The following B3GALT1 variants were observed in gnomAD, a reference collection of about 807,000 sequenced individuals.
The protein encoded by B3GALT1 is beta-1,3-galactosyltransferase 1, also known as UDP-Gal:betaGlcNAc beta 1,3-galactosyltransferase, polypeptide 1.
A neutral mutation model predicts 23.2 loss-of-function variants in B3GALT1; 10 were observed. The observed-to-expected ratio is 0.43, with a 90% confidence interval of 0.27 to 0.73. B3GALT1 has a LOEUF of 0.73. B3GALT1 is among the 30% of genes least tolerant of loss of function. The probability of loss-of-function intolerance (pLI) is 0.21; values close to 1 mark genes in which losing one functional copy is unlikely to be tolerated. For missense variants in B3GALT1, 299 were observed against 405.4 expected, an observed-to-expected ratio of 0.74 and a Z score of 2.25; for synonymous variants, 156 against 141.5, an observed-to-expected ratio of 1.10 and a Z score of -0.73.
intron 1 of B3GALT1, among the ~76,000 whole-genome samples, chr2:167,457,433 A>G (rs746508134): frequency 4.0e-5 from 6 of 151,894 alleles, no homozygotes; most frequent in Non-Finnish European, 7.4e-5. Flanking sequence ...TTGGCCTCCC[A>G]AAGTGCCGGG....
At chr2:167,564,948 T>C (rs1053687046) in intron 2 of B3GALT1, among the ~76,000 whole-genome samples, 1 of 152,184 alleles carries the variant, frequency 6.6e-6, no homozygotes, top group Non-Finnish European at 1.5e-5. Flanking sequence ...AATTTGTAGA[T>C]TCCATGCCAT....
At chr2:167,409,492 C>T (rs1698359176) in intron 1 of B3GALT1, among the ~76,000 whole-genome samples, 1 of 151,928 alleles carries the variant, frequency 6.6e-6, no homozygotes, top group Non-Finnish European at 1.5e-5. Context: ...CACCATATTT[C>T]AGTAAGTTGA....
intron 3 of B3GALT1, chr2:167,715,096 A>G: frequency 2.5e-6 from 4 of 1,613,424 alleles, no homozygotes; most frequent in East Asian, 2.2e-5. Context: ...TTAAAGAAAC[A>G]TTTAAGTTAG....
chr2:167,506,212 G>A (rs1275586373), intron 2 of B3GALT1, among the ~76,000 whole-genome samples: 1 of 152,178 alleles, frequency 6.6e-6, no homozygotes, highest in Non-Finnish European at 1.5e-5. Flanking sequence ...TATAAGTCGT[G>A]CTGCCCCTGC....
chr2:167,580,001 G>A (rs1269147031), intron 2 of B3GALT1, among the ~76,000 whole-genome samples: 2 of 152,084 alleles, frequency 1.3e-5, no homozygotes, highest in Admixed American at 6.6e-5. Context: ...TGACAAATTA[G>A]GTTAATGCTT....
chr2:167,658,708 G>A (rs986445550), intron 3 of B3GALT1, among the ~76,000 whole-genome samples: 1 of 152,056 alleles, frequency 6.6e-6, no homozygotes, highest in Non-Finnish European at 1.5e-5. Context: ...GGAAGATGGG[G>A]CATTTACTGC....
intron 2 of B3GALT1, among the ~76,000 whole-genome samples, chr2:167,646,507 C>CT (rs1229336427): frequency 6.6e-6 from 1 of 152,196 alleles, no homozygotes; most frequent in Non-Finnish European, 1.5e-5. Context: ...CTGAAACTAC[C>CT]TTTTTGTGAG....
At position 167,518,559 on chromosome 2, in the gene B3GALT1, G is replaced by A. The variant is rs180805773; in HGVS notation, c.-410+28282G>A. On this transcript the variant is annotated intron_variant, in intron 2 of 4. Transcript: ENST00000392690. ...TAACAGAAAGCAAATCATTTGGTAA[G>A]AATTCAGCATGCAATAGCTGATATC... 4.1e-4 allele frequency among the ~76,000 whole-genome samples: 63 copies of A among 152,278 alleles called. No homozygotes were observed. The East Asian group carries it at 7.7e-3, about 19-fold the overall frequency.
intron 1 of B3GALT1, among the ~76,000 whole-genome samples, chr2:167,348,356 A>G (rs1574042817): frequency 2.0e-5 from 3 of 152,128 alleles, no homozygotes; most frequent in East Asian, 3.9e-4. Context: ...CAGTGTTTTA[A>G]CAGTAAATTT....
At chr2:167,332,738 T>G (rs1696993116) in intron 1 of B3GALT1, among the ~76,000 whole-genome samples, 1 of 152,164 alleles carries the variant, frequency 6.6e-6, no homozygotes, top group African/African-American at 2.4e-5. Context: ...GTTGGCAGAT[T>G]TTTGCCACAT....
chr2:167,295,964 G>A (rs1559058163), intron 1 of B3GALT1, among the ~76,000 whole-genome samples: 1 of 152,128 alleles, frequency 6.6e-6, no homozygotes, highest in African/African-American at 2.4e-5. Flanking sequence ...TGGGGTTGGG[G>A]GTGGGCACAG....
At chr2:167,620,178 G>T (rs1385599041) in intron 2 of B3GALT1, among the ~76,000 whole-genome samples, 1 of 152,082 alleles carries the variant, frequency 6.6e-6, no homozygotes, top group Non-Finnish European at 1.5e-5. Flanking sequence ...AAAGGGCATT[G>T]CAGTGTGTAG....
At chr2:167,569,081 T>C (rs1226839721) in intron 2 of B3GALT1, among the ~76,000 whole-genome samples, 1 of 151,952 alleles carries the variant, frequency 6.6e-6, no homozygotes, top group Non-Finnish European at 1.5e-5. Context: ...CACTGATCTA[T>C]TTGTCTTTGC....
At chr2:167,819,975 T>A (rs1206320935) in intron 4 of B3GALT1, among the ~76,000 whole-genome samples, 1 of 152,162 alleles carries the variant, frequency 6.6e-6, no homozygotes, top group Non-Finnish European at 1.5e-5. Context: ...AAGAGGACCC[T>A]CTGATGAGGA....
chr2:167,716,045 G>C (rs564902222), intron 3 of B3GALT1: 1 of 1,599,890 alleles, frequency 6.3e-7, no homozygotes, highest in Non-Finnish European at 8.6e-7. Flanking sequence ...AGGGCCGAGC[G>C]GTAGCGCCGG....
chr2:167,744,809 T>G (rs1230936693), intron 3 of B3GALT1, among the ~76,000 whole-genome samples: 2 of 151,968 alleles, frequency 1.3e-5, no homozygotes, highest in African/African-American at 2.4e-5. Flanking sequence ...AGGCTGGTCT[T>G]GAACTCCTGA....
At chr2:167,853,213 T>C (rs1381510206) in intron 4 of B3GALT1, among the ~76,000 whole-genome samples, 2 of 152,180 alleles carry the variant, frequency 1.3e-5, no homozygotes, top group Non-Finnish European at 1.5e-5. Context: ...TATTCTACCA[T>C]GAATCCAGCA....
intron 1 of B3GALT1, among the ~76,000 whole-genome samples, chr2:167,361,825 G>A (rs557262831): frequency 2.0e-5 from 3 of 152,290 alleles, no homozygotes; most frequent in South Asian, 2.1e-4. Flanking sequence ...TGTAATCCCA[G>A]TACTTTGGGA....
intron 4 of B3GALT1, among the ~76,000 whole-genome samples, chr2:167,839,599 C>T (rs1367056238): frequency 6.6e-6 from 1 of 152,282 alleles, no homozygotes; most frequent in African/African-American, 2.4e-5. Context: ...AATGGCCATA[C>T]TGCCCAAGGT....
Sources: allele counts gnomAD v4.1 joint callset (sites outside exome capture counted in the v4.1 genomes callset), GRCh38; gene constraint gnomAD v4.1.1; transcripts MANE v1.5; gene names NCBI Gene and HGNC (gene_info 2026-07-23, HGNC 2026-07-21).